Variants in HEATR1 observed in about 807,000 individuals in gnomAD.
HEATR1 encodes the protein HEAT repeat-containing protein 1.
Under a neutral mutation model 248.2 loss-of-function variants are expected in HEATR1, and 77 were observed. The ratio of observed to expected loss-of-function variants is 0.31; its 90% confidence interval spans 0.26 to 0.37. The LOEUF (loss-of-function observed/expected upper bound fraction) is 0.37. Ranked by LOEUF, HEATR1 falls within the 10% of genes least tolerant of loss-of-function variation. The pLI, the probability that HEATR1 is intolerant of heterozygous loss-of-function variation, is 1.00. For synonymous variants in HEATR1, 897 were observed against 923.1 expected, an observed-to-expected ratio of 0.97 and a Z score of 0.51; for missense variants, 2,420 against 2,504.9, an observed-to-expected ratio of 0.97 and a Z score of 0.72.
Position 236,550,765 on chromosome 1 carries a change from G to T in HEATR1, c.*137C>A. Reference sequence around the variant, plus strand: ...ACAAGCCAGGTGGGGATTTTGTAAAGAAGTGATAAAACATTTGTAAGTAAT... The same window carrying T: ...ACAAGCCAGGTGGGGATTTTGTAAATAAGTGATAAAACATTTGTAAGTAAT... On this transcript the variant is annotated 3_prime_UTR_variant, in exon 45 of 45. Transcript: ENST00000366582. 1 of 644,630 alleles carries T rather than the reference G, an allele frequency of 1.6e-6. No individual in the cohort carries two copies. Among genetic ancestry groups the T allele is most frequent in the Non-Finnish European group, 2.6e-6 (1 of 381,010 alleles). 39.9% of individuals were successfully genotyped at this position (644,630 alleles called of 1,614,324 possible). A position where few individuals can be genotyped will look rare whatever the true frequency, so the allele number is the denominator to read the frequency against.
chr1:236,598,723 C>T (rs541973288), intron 4 of HEATR1, among the ~76,000 whole-genome samples: 2 of 152,252 alleles, frequency 1.3e-5, no homozygotes, highest in East Asian at 1.9e-4. Flanking sequence ...AACACTGACC[C>T]CACTACCATC....
intron 32 of HEATR1, among the ~76,000 whole-genome samples, chr1:236,563,272 CT>C (rs1046287964): frequency 2.0e-5 from 3 of 151,688 alleles, no homozygotes; most frequent in Non-Finnish European, 4.4e-5. Flanking sequence ...GAGTTTTTTC[CT>C]TTTTTTTATT....
intron 44 of HEATR1, chr1:236,551,225 A>C: frequency 4.2e-6 from 2 of 481,760 alleles, no homozygotes; most frequent in Non-Finnish European, 3.7e-6. Flanking sequence ...AATCCCCAAA[A>C]CTCAAACTTC....
At position 236,558,454 on chromosome 1, in the gene HEATR1, GTTC is replaced by G. The variant is rs1663035927; in HGVS notation, c.4984_4986del (p.Glu1662del). The G allele has an allele frequency of 6.2e-7, 1 of 1,614,056 alleles. No individual in the cohort carries two copies. The highest frequency in any genetic ancestry group is 1.3e-5 in the African/African-American group (1 of 74,926). ...AACGCTGTCTGTCTGTTGATTGCTT[GTTC>G]TTCTTCCCCTTCCTTTTTCTTACGC... On this transcript the variant is annotated inframe_deletion, in exon 36 of 45. Transcript: ENST00000366582.
At position 236,585,236 on chromosome 1, in the gene HEATR1, C is replaced by G. The variant is rs780498256; in HGVS notation, c.2050-20G>C. The G allele has an allele frequency of 1.3e-6, 2 of 1,577,814 alleles. No individual in the cohort carries two copies. Among genetic ancestry groups the G allele is most frequent in the East Asian group, 2.2e-5 (1 of 44,490 alleles). ...CTCCACCTTGAAAAATAAACACACT[C>G]TATTACCAGTTGCTCTTGATTTTCA... On this transcript the variant is annotated intron_variant, in intron 16 of 44. Transcript: ENST00000366582.
rs1662594476 is a variant in HEATR1, at chr1:236,549,150, A to G, written c.*1752T>C. On this transcript the variant is annotated 3_prime_UTR_variant, in exon 45 of 45. Coordinates refer to ENST00000366582, the MANE Select transcript of HEATR1 (RefSeq NM_018072.6). ...TAATGCAGAAATCTGTTTTGTTCCCATGAAATCACCAATCAAGGCCTCCGT... is the reference window on the plus strand; with the variant it reads ...TAATGCAGAAATCTGTTTTGTTCCCGTGAAATCACCAATCAAGGCCTCCGT... 1 of 396,276 alleles carries G rather than the reference A, an allele frequency of 2.5e-6. No homozygotes were observed. Among genetic ancestry groups the G allele is most frequent in the Admixed American group, 4.4e-5 (1 of 22,692 alleles). The allele number at this position is 396,276 out of a possible 1,614,324, so 24.5% of individuals were successfully genotyped here.
intron 23 of HEATR1, 27 bp downstream of exon 23, chr1:236,574,634 C>A (rs1476316116): frequency 6.2e-7 from 1 of 1,603,142 alleles, no homozygotes; most frequent in South Asian, 1.1e-5. Context: ...ACATGCTATG[C>A]CTTAGTTTCT....
At chr1:236,586,632 C>A (rs1488755535) in intron 14 of HEATR1, among the ~76,000 whole-genome samples, 180 bp from the exon 15 acceptor site, 4 of 151,924 alleles carry the variant, frequency 2.6e-5, no homozygotes, top group South Asian at 4.1e-4. Context: ...TTATCTGTGA[C>A]AATATTTTTA....
chr1:236,564,793 T>G, intron 31 of HEATR1, 132 bp from the exon 32 acceptor site: 1 of 818,186 alleles, frequency 1.2e-6, no homozygotes, highest in Non-Finnish European at 1.8e-6. Context: ...TGTTCATCTA[T>G]TACATCCAGT....
intron 31 of HEATR1, among the ~76,000 whole-genome samples, chr1:236,565,351 C>A (rs1211114009): frequency 6.6e-6 from 1 of 152,166 alleles, no homozygotes; most frequent in Non-Finnish European, 1.5e-5. Flanking sequence ...GAGATGGCGT[C>A]TTACTATGTT....
chr1:236,561,350 C>G (rs1433490606), intron 32 of HEATR1, 79 bp from the exon 33 acceptor site: 15 of 1,116,576 alleles, frequency 1.3e-5, no homozygotes, highest in Non-Finnish European at 1.8e-5. Flanking sequence ...CAATGAAACT[C>G]GGACCATTCA....
chr1:236,568,619 T>C (rs1376982854), intron 29 of HEATR1, among the ~76,000 whole-genome samples: 1 of 152,156 alleles, frequency 6.6e-6, no homozygotes, highest in East Asian at 1.9e-4. Flanking sequence ...GCTCTAAAAG[T>C]TCCTAGCCTC....
intron 43 of HEATR1, chr1:236,552,616 C>T (rs1403000910): frequency 6.6e-6 from 1 of 152,212 alleles, no homozygotes; most frequent in African/African-American, 2.4e-5. Context: ...TTCTGTGTCA[C>T]AATATCCTAG....
chr1:236,565,365 C>T (rs1231084897), intron 31 of HEATR1, among the ~76,000 whole-genome samples: 4 of 152,286 alleles, frequency 2.6e-5, no homozygotes, highest in East Asian at 3.9e-4. Context: ...CTATGTTGCT[C>T]AGGCTGGTCT....
chr1:236,573,187 T>A (rs1438148190), intron 24 of HEATR1, among the ~76,000 whole-genome samples: 1 of 152,206 alleles, frequency 6.6e-6, no homozygotes, highest in Admixed American at 6.5e-5. Flanking sequence ...TGATACAGTA[T>A]CACTTCTCCA....
Position 236,586,860 on chromosome 1 carries a change from C to A in HEATR1, c.1716-408G>T, listed in dbSNP as rs542092007. ...CACTCAGGCACTCAAAAAAAATGAA[C>A]CAAGCACATCCTACATGATAGATAT... On this transcript the variant is annotated intron_variant, in intron 14 of 44. Transcript: ENST00000366582. Among the ~76,000 whole-genome samples, 83 of 151,854 alleles carry A rather than the reference C, an allele frequency of 5.5e-4. 3 individuals are homozygous for A. In the South Asian group the frequency reaches 0.016, roughly 29 times the overall value.
chr1:236,555,468 A>G lies in HEATR1; in HGVS notation c.5755-4T>C, dbSNP rs1662941519. On this transcript the variant is annotated splice_polypyrimidine_tract_variant and splice_region_variant and intron_variant, in intron 40 of 44. Coordinates refer to ENST00000366582, the MANE Select transcript of HEATR1 (RefSeq NM_018072.6). ...CTGTTTTAGCCCAATCAAACAGCTG[A>G]AAGGATAAGACAGTATTAGTTTCTT... is the stretch of plus-strand genomic sequence containing the variant. 2 of 1,614,102 alleles carry G rather than the reference A, an allele frequency of 1.2e-6. No homozygotes were observed. The highest frequency in any genetic ancestry group is 1.3e-5 in the African/African-American group (1 of 74,944).
Position 236,571,520 on chromosome 1 carries a change from G to A in HEATR1, c.3826+48C>T, listed in dbSNP as rs367726390. 4.1e-5 allele frequency: 66 copies of A among 1,613,212 alleles called. 1 individual carries two copies. In the African/African-American group the frequency reaches 7.3e-4, roughly 18 times the overall value. ...AACCCTAAGTGGCAGGTACACTCACGCTCAAAGTAGATAATTTTTCTAACC... is the reference window on the plus strand; with the variant it reads ...AACCCTAAGTGGCAGGTACACTCACACTCAAAGTAGATAATTTTTCTAACC... On this transcript the variant is annotated intron_variant, in intron 27 of 44. Transcript: ENST00000366582.
At position 236,595,608 on chromosome 1, in the gene HEATR1, T is replaced by C. The variant is rs1664157540; in HGVS notation, c.1022A>G (p.Tyr341Cys). The change falls in exon 8 of 45, where the codon TAC (tyrosine) becomes TGC (cysteine). Residue 341 changes from tyrosine to cysteine, a missense_variant. Coordinates refer to ENST00000366582, the MANE Select transcript of HEATR1 (RefSeq NM_018072.6). ...GTAATGCAGAAGAGGACTGACATCG[T>C]AAGTTTCAGAAATCCCATGAAGTAT... is the stretch of plus-strand genomic sequence containing the variant. Reference protein sequence around the residue: ...ITILHGISETYDVSPLLHYML... With the variant: ...ITILHGISETCDVSPLLHYML... 5 of 1,609,252 alleles carry C rather than the reference T, an allele frequency of 3.1e-6. No individual in the cohort carries two copies. Among genetic ancestry groups the C allele is most frequent in the Non-Finnish European group, 4.3e-6 (5 of 1,175,502 alleles).
Sources: gnomAD v4.1 joint callset for allele counts (sites outside exome capture counted in the v4.1 genomes callset) on GRCh38, gnomAD v4.1.1 for gene constraint, MANE v1.5 for transcripts, NCBI Gene and HGNC (gene_info 2026-07-23, HGNC 2026-07-21) for gene names.